The following ARHGAP26 variants were observed in gnomAD, a reference collection of about 807,000 sequenced individuals.
The protein encoded by ARHGAP26 is Rho GTPase activating protein 26.
ARHGAP26 carries 38 observed loss-of-function variants against 104.8 expected under a neutral mutation model. The observed-to-expected ratio is 0.36, with a 90% CI of 0.28 to 0.48. The LOEUF is 0.48. ARHGAP26 is among the 20% of genes least tolerant of loss of function. The pLI, the probability that ARHGAP26 is intolerant of heterozygous loss-of-function variation, is 0.99. For synonymous variants in ARHGAP26, 341 were observed against 340.0 expected (o/e 1.00, Z -0.03); for missense variants, 704 against 947.9 (o/e 0.74, Z 3.38).
At chr5:143,038,226 A>G (rs1341278163) in intron 13 of ARHGAP26, among the ~76,000 whole-genome samples, 1 of 152,232 alleles carries the variant, frequency 6.6e-6, no homozygotes, top group Non-Finnish European at 1.5e-5. Context: ...AGGATTCATA[A>G]CTTGCCAGTT....
chr5:142,829,996 C>T (rs1264838281), intron 1 of ARHGAP26, among the ~76,000 whole-genome samples: 1 of 152,160 alleles, frequency 6.6e-6, no homozygotes, highest in African/African-American at 2.4e-5. Flanking sequence ...ATGTTTTCGA[C>T]CTGATGAGAA....
intron 20 of ARHGAP26, among the ~76,000 whole-genome samples, chr5:143,171,019 A>G (rs1411031903): frequency 3.9e-5 from 6 of 152,216 alleles, no homozygotes; most frequent in African/African-American, 1.4e-4. Context: ...AGAGTTTAAG[A>G]GAAAAAGAGA....
At chr5:143,211,891 T>C (rs558395639) in intron 21 of ARHGAP26, among the ~76,000 whole-genome samples, 57 of 152,312 alleles carry the variant, frequency 3.7e-4, no homozygotes, top group African/African-American at 1.3e-3. Context: ...TGCCACTTCA[T>C]TATTCAATTT....
At chr5:142,905,962 C>T (rs1467383911) in intron 8 of ARHGAP26, among the ~76,000 whole-genome samples, 6 of 152,198 alleles carry the variant, frequency 3.9e-5, no homozygotes, top group Non-Finnish European at 8.8e-5. Context: ...ATTTAGTTGT[C>T]ATGACTTTAG....
chr5:142,773,927 T>C (rs1000524853), intron 1 of ARHGAP26, among the ~76,000 whole-genome samples: 1 of 152,248 alleles, frequency 6.6e-6, no homozygotes, highest in African/African-American at 2.4e-5. Context: ...TTACATGCTT[T>C]AAAGCCTGTC....
At chr5:142,939,144 G>T (rs1217593350) in intron 11 of ARHGAP26, among the ~76,000 whole-genome samples, 1 of 152,046 alleles carries the variant, frequency 6.6e-6, no homozygotes, top group Admixed American at 6.5e-5. Context: ...ATGGAAGAGG[G>T]AACACTGCCT....
chr5:143,035,408 G>C (rs148737125), intron 12 of ARHGAP26, among the ~76,000 whole-genome samples: 2 of 152,192 alleles, frequency 1.3e-5, no homozygotes, highest in African/African-American at 4.8e-5. Flanking sequence ...TGAGACTGGA[G>C]ACTATTATTC....
At chr5:142,835,770 A>T (rs1024807464) in intron 1 of ARHGAP26, among the ~76,000 whole-genome samples, 5 of 152,242 alleles carry the variant, frequency 3.3e-5, no homozygotes, top group African/African-American at 1.2e-4. Context: ...TACATAATAA[A>T]AACCCAATAG....
intron 14 of ARHGAP26, among the ~76,000 whole-genome samples, 179 bp downstream of exon 14, chr5:143,042,069 G>T (rs1446775823): frequency 1.3e-5 from 2 of 152,206 alleles, no homozygotes; most frequent in Non-Finnish European, 2.9e-5. Flanking sequence ...TGCTGGGAAA[G>T]GTTCTGAGTA....
intron 1 of ARHGAP26, among the ~76,000 whole-genome samples, chr5:142,827,135 C>T (rs1046775757): frequency 6.6e-6 from 1 of 151,514 alleles, no homozygotes; most frequent in Non-Finnish European, 1.5e-5. Flanking sequence ...TTTTTTCTAC[C>T]CTATTTTTTT....
At chr5:142,990,326 T>C (rs943183349) in intron 11 of ARHGAP26, among the ~76,000 whole-genome samples, 1 of 152,242 alleles carries the variant, frequency 6.6e-6, no homozygotes, top group Non-Finnish European at 1.5e-5. Context: ...AGGTCTTCTC[T>C]ACACAGTTTA....
chr5:143,077,882 G>T (rs941067076), intron 17 of ARHGAP26, among the ~76,000 whole-genome samples: 1 of 152,014 alleles, frequency 6.6e-6, no homozygotes, highest in African/African-American at 2.4e-5. Context: ...CTTCTTTTCT[G>T]GGATGCAGAC....
chr5:142,990,828 C>T (rs1473887182), intron 11 of ARHGAP26, among the ~76,000 whole-genome samples: 1 of 152,134 alleles, frequency 6.6e-6, no homozygotes, highest in Non-Finnish European at 1.5e-5. Flanking sequence ...CTGGAAGCTT[C>T]ATCTCAGAGG....
intron 17 of ARHGAP26, among the ~76,000 whole-genome samples, chr5:143,115,885 A>C (rs1599083559): frequency 6.6e-6 from 1 of 152,320 alleles, no homozygotes; most frequent in East Asian, 1.9e-4. Flanking sequence ...TTATTGTCCA[A>C]ATTTGCAAAT....
chr5:142,844,527 T>C (rs1476664660), intron 1 of ARHGAP26, among the ~76,000 whole-genome samples: 1 of 151,876 alleles, frequency 6.6e-6, no homozygotes, highest in Non-Finnish European at 1.5e-5. Context: ...TTTCAGAGGG[T>C]TCAGGGCCAG....
At position 142,903,617 on chromosome 5, in the gene ARHGAP26, C is replaced by G. The variant is rs1282306782; in HGVS notation, c.780C>G (p.His260Gln). The G allele has an allele frequency of 1.9e-6, 3 of 1,614,032 alleles. No homozygotes were observed. The highest frequency in any genetic ancestry group is 2.5e-6 in the Non-Finnish European group (3 of 1,179,946). The change falls in exon 8 of 23, where the codon CAC becomes CAG. Residue 260 changes from histidine to glutamine, a missense_variant. His to Gln is a conservative substitution (Grantham distance 24). Coordinates refer to ENST00000645722, the MANE Select transcript of ARHGAP26 (RefSeq NM_001135608.3). Reference protein sequence around the residue: ...MKKMKENPLEHKTISPYTMEG... With the variant: ...MKKMKENPLEQKTISPYTMEG... ...AGATGAAGGAGAATCCCCTTGAGCA[C>G]AAGACCATCAGTCCCTACACCATGG...
chr5:143,227,678 G>C lies in ARHGAP26; in HGVS notation c.*5232G>C, dbSNP rs1175669212. The stretch of plus-strand genomic sequence containing the variant: ...GTGGAGGGAAAGGCCATAGAATCCA[G>C]GTGTCATTCAGAGCCAGTCCTTGCT... On this transcript the variant is annotated 3_prime_UTR_variant, in exon 23 of 23. Coordinates refer to ENST00000645722, the MANE Select transcript of ARHGAP26 (RefSeq NM_001135608.3). 4.4e-6 allele frequency: 1 copy of C among 228,724 alleles called. No homozygotes were observed. The highest frequency in any genetic ancestry group is 2.2e-5 in the African/African-American group (1 of 45,076). 14.2% of individuals were successfully genotyped at this position (228,724 alleles called of 1,614,324 possible).
At chr5:143,007,440 T>C (rs181010942) in intron 11 of ARHGAP26, among the ~76,000 whole-genome samples, 7 of 152,350 alleles carry the variant, frequency 4.6e-5, no homozygotes, top group African/African-American at 1.7e-4. Context: ...CCTGTTATGC[T>C]TAAATTGGGT....
chr5:142,927,492 T>C (rs1764080662), intron 10 of ARHGAP26, among the ~76,000 whole-genome samples: 1 of 152,228 alleles, frequency 6.6e-6, no homozygotes, highest in Non-Finnish European at 1.5e-5. Flanking sequence ...TTGTTGCATT[T>C]AGCAGTAGTT....
Sources: gnomAD v4.1 joint callset for allele counts (sites outside exome capture counted in the v4.1 genomes callset) on GRCh38, gnomAD v4.1.1 for gene constraint, MANE v1.5 for transcripts, NCBI Gene and HGNC (gene_info 2026-07-23, HGNC 2026-07-21) for gene names.